CCKBR: variants seen among roughly 807,000 people sequenced by gnomAD.
CCKBR encodes the protein gastrin/cholecystokinin type B receptor.
Under a neutral mutation model 34.6 loss-of-function variants are expected in CCKBR, and 33 were observed. The observed-to-expected ratio is 0.95, with a 90% CI of 0.72 to 1.27. The LOEUF is 1.27. CCKBR is among the 50% of genes most tolerant of loss of function. The probability of loss-of-function intolerance (pLI) is 0.00; values close to 1 mark genes in which losing one functional copy is unlikely to be tolerated. For synonymous variants in CCKBR, 269 were observed against 267.5 expected, an observed-to-expected ratio of 1.01 and a Z score of -0.06; for missense variants, 652 against 617.4, an observed-to-expected ratio of 1.06 and a Z score of -0.59.
Position 6,271,575 on chromosome 11 carries a change from G to T in CCKBR, c.*32G>T, listed in dbSNP as rs1235424153. On this transcript the variant is annotated 3_prime_UTR_variant, in exon 5 of 5. Coordinates refer to ENST00000334619, the MANE Select transcript of CCKBR (RefSeq NM_176875.4). The stretch of plus-strand genomic sequence containing the variant: ...GAGGGGCCGTGGGGGTTGAGGCAGG[G>T]CAAATGACATGCACTGACCCTTCCA... The T allele has an allele frequency of 1.9e-6, 3 of 1,540,308 alleles. No individual in the cohort carries two copies. In the African/African-American group the frequency reaches 4.1e-5, roughly 21 times the overall value.
In CCKBR at chr11:6,271,282, G is replaced by C; in HGVS notation, c.1083G>C (p.Pro361=). Reference sequence around the variant, plus strand: ...ACACGTGGCGCGCCTTTGATGGCCCGGGTGCACACCGAGCACTCTCGGGTG... The same window carrying C: ...ACACGTGGCGCGCCTTTGATGGCCCCGGTGCACACCGAGCACTCTCGGGTG... ...SANTWRAFDG[P]GAHRALSGAP... The change falls in exon 5 of 5, where the codon CCG becomes CCC. Residue 361 remains proline, a synonymous_variant. Coordinates refer to ENST00000334619, the MANE Select transcript of CCKBR (RefSeq NM_176875.4). 4 of 1,614,200 alleles carry C rather than the reference G, an allele frequency of 2.5e-6. No homozygotes were observed. Among genetic ancestry groups the C allele is most frequent in the East Asian group, 2.2e-5 (1 of 44,884 alleles).
In CCKBR at chr11:6,263,377, T is replaced by C. The variant is rs563401609; in HGVS notation, c.151+3298T>C. Among the ~76,000 whole-genome samples the C allele has an allele frequency of 3.3e-5, 5 of 152,316 alleles. No individual in the cohort carries two copies. The South Asian group carries it at 1.0e-3, about 32-fold the overall frequency. ...ATACTACCCATAAAATTACAAATAT[T>C]ACTCTCACATACTCAGATAATACCC... is the stretch of plus-strand genomic sequence containing the variant. On this transcript the variant is annotated intron_variant, in intron 1 of 4. Coordinates refer to ENST00000334619, the MANE Select transcript of CCKBR (RefSeq NM_176875.4).
At chr11:6,262,316 A>G (rs1242813335) in intron 1 of CCKBR, among the ~76,000 whole-genome samples, 2 of 152,154 alleles carry the variant, frequency 1.3e-5, no homozygotes, top group Admixed American at 6.5e-5. Context: ...TGAGAAGAAA[A>G]TAGGTCCTAG....
rs766704183 is a variant in CCKBR at position 6,262,717 on chromosome 11, AG to A, written c.151+2639del. ...GAGAGAGAGAGAGAGAGAGAGAGAG[AG>A]AGAGAGAAAGAAAAGCAGGATATTG... On this transcript the variant is annotated intron_variant, in intron 1 of 4. Coordinates refer to ENST00000334619, the MANE Select transcript of CCKBR (RefSeq NM_176875.4). 5.6e-3 allele frequency among the ~76,000 whole-genome samples: 805 copies of A among 143,942 alleles called. 7 individuals are homozygous for A. Among genetic ancestry groups the A allele is most frequent in the Middle Eastern group, 0.021 (6 of 288 alleles). The allele number at this position is 143,942 out of a possible 152,430, so 94.4% of individuals were successfully genotyped here. A position where few individuals can be genotyped will look rare whatever the true frequency, so the allele number is the denominator to read the frequency against.
rs535539039 is a variant in CCKBR, at chr11:6,270,916, A to G, written c.812-95A>G. The stretch of plus-strand genomic sequence containing the variant: ...AGGTGAGGGTGAGAAGGAAGCTGGA[A>G]ATGGAGTTGAGCTGGGAGCGGAGGT... On this transcript the variant is annotated intron_variant, in intron 4 of 4. Transcript: ENST00000334619. The G allele has an allele frequency of 8.9e-5, 143 of 1,611,740 alleles. No homozygotes were observed. The African/African-American group carries it at 1.9e-3, about 21-fold the overall frequency.
At chr11:6,262,737 G>T (rs530029605) in intron 1 of CCKBR, among the ~76,000 whole-genome samples, 7 of 139,620 alleles carry the variant, frequency 5.0e-5, no homozygotes, top group Admixed American at 7.1e-5. Flanking sequence ...AGAAAAGCAG[G>T]ATATTGCCAA....
At position 6,271,698 on chromosome 11, in the gene CCKBR, AG is replaced by A; in HGVS notation, c.*157del. The stretch of plus-strand genomic sequence containing the variant: ...GAAAAGGTAGCTTACCTGACACAAG[AG>A]GAATAAGAATGGAGCAGTACATGGG... On this transcript the variant is annotated 3_prime_UTR_variant, in exon 5 of 5. Coordinates refer to ENST00000334619, the MANE Select transcript of CCKBR (RefSeq NM_176875.4). The A allele has an allele frequency of 1.4e-6, 1 of 720,420 alleles. No homozygotes were observed. 44.6% of individuals were successfully genotyped at this position (720,420 alleles called of 1,614,324 possible).
Position 6,262,947 on chromosome 11 carries a change from G to A in CCKBR, c.151+2868G>A, listed in dbSNP as rs909121056. 4.6e-5 allele frequency among the ~76,000 whole-genome samples: 7 copies of A among 152,282 alleles called. No homozygotes were observed. The East Asian group carries it at 7.7e-4, about 17-fold the overall frequency. ...ATTCCCTGTGAAAGCGGGATGTGAC[G>A]CAATTCAGAGCACAGGTGCAAAAAT... On this transcript the variant is annotated intron_variant, in intron 1 of 4. Transcript: ENST00000334619.
intron 3 of CCKBR, 138 bp from the exon 4 acceptor site, chr11:6,270,508 C>A (rs1848282968): frequency 1.5e-6 from 2 of 1,348,262 alleles, no homozygotes; most frequent in Non-Finnish European, 2.0e-6. Flanking sequence ...TTCTCTCTCC[C>A]TTCCCAGCGG....
At chr11:6,262,545 C>G (rs1158860280) in intron 1 of CCKBR, among the ~76,000 whole-genome samples, 1 of 152,050 alleles carries the variant, frequency 6.6e-6, no homozygotes, top group African/African-American at 2.4e-5. Context: ...CCTTCACATT[C>G]AATAACAAGA....
intron 1 of CCKBR, 119 bp downstream of exon 1, chr11:6,260,198 A>G: frequency 1.5e-6 from 1 of 683,326 alleles, no homozygotes; most frequent in South Asian, 1.9e-5. Context: ...TGCCTCTCAT[A>G]GTACTCCCTC....
intron 1 of CCKBR, 55 bp from the exon 2 acceptor site, chr11:6,269,614 A>G: frequency 1.9e-6 from 3 of 1,588,528 alleles, no homozygotes; most frequent in Non-Finnish European, 2.6e-6. Context: ...AAGGAGGGGG[A>G]TTTGACTGAA....
At position 6,271,326 on chromosome 11, in the gene CCKBR, AC is replaced by A; in HGVS notation, c.1128del (p.Leu377CysfsTer2). 1 of 1,613,884 alleles carries A rather than the reference AC, an allele frequency of 6.2e-7. No homozygotes were observed. Among genetic ancestry groups the A allele is most frequent in the Non-Finnish European group, 8.5e-7 (1 of 1,179,936 alleles). On this transcript the variant is annotated frameshift_variant, in exon 5 of 5. Transcript: ENST00000334619. LOFTEE classifies it high-confidence loss of function. ...TCGGGTGCTCCTATCTCCTTCATTC[AC>A]TTGCTGAGCTACGCCTCGGCCTGTG... is the stretch of plus-strand genomic sequence containing the variant. ...ALSGAPISFIHLLSYASACVN... is the reference protein window; with the variant it reads ...ALSGAPISFIXLLSYASACVN...
chr11:6,264,271 T>G (rs1848177701), intron 1 of CCKBR, among the ~76,000 whole-genome samples: 1 of 152,224 alleles, frequency 6.6e-6, no homozygotes, highest in Non-Finnish European at 1.5e-5. Flanking sequence ...CAGTTGGATG[T>G]GATCCCTGCT....
intron 1 of CCKBR, among the ~76,000 whole-genome samples, chr11:6,260,707 G>A (rs934450036): frequency 5.9e-5 from 9 of 152,164 alleles, no homozygotes; most frequent in Admixed American, 3.9e-4. Flanking sequence ...AGCTTTCGAG[G>A]CTCTGTGCCC....
Position 6,271,081 on chromosome 11 carries a change from CG to C in CCKBR, c.883del (p.Val295CysfsTer12). On this transcript the variant is annotated frameshift_variant, in exon 5 of 5. Transcript: ENST00000334619. LOFTEE classifies it high-confidence loss of function. ...AVGEDSDGCYVQLPRSRPALE... is the reference protein window; with the variant it reads ...AVGEDSDGCYXQLPRSRPALE... ...TTGGCGAAGACAGCGATGGCTGCTA[CG>C]TGCAACTTCCACGTTCCCGGCCTGC... 6.2e-7 allele frequency: 1 copy of C among 1,614,142 alleles called. No homozygotes were observed. The highest frequency in any genetic ancestry group is 8.5e-7 in the Non-Finnish European group (1 of 1,180,030).
In CCKBR at chr11:6,270,668, T is replaced by G. The variant is rs757494912; in HGVS notation, c.676T>G (p.Leu226Val). 4.3e-6 allele frequency: 7 copies of G among 1,610,742 alleles called. No individual in the cohort carries two copies. The highest frequency in any genetic ancestry group is 1.3e-5 in the African/African-American group (1 of 74,880). The stretch of plus-strand genomic sequence containing the variant: ...CAGGTCCGTACTGCTGCTTCTGCTC[T>G]TGTTCTTCATCCCGGGTGTGGTTAT... ...QTWSVLLLLL[L>V]FFIPGVVMAV... The change falls in exon 4 of 5, where the codon TTG (leucine) becomes GTG (valine). Residue 226 changes from leucine to valine, a missense_variant. Physicochemically the swap from Leu to Val is conservative, Grantham distance 32 (BLOSUM62 1). Coordinates refer to ENST00000334619, the MANE Select transcript of CCKBR (RefSeq NM_176875.4).
Position 6,271,034 on chromosome 11 carries a change from T to A in CCKBR, c.835T>A (p.Cys279Ser). The change falls in exon 5 of 5, where the codon TGC (cysteine) becomes AGC (serine). Residue 279 changes from cysteine to serine, a missense_variant. Coordinates refer to ENST00000334619, the MANE Select transcript of CCKBR (RefSeq NM_176875.4). ...LPGAVHQNGR[C>S]RPETGAVGED... is the part of the protein sequence containing the mutation. Reference sequence around the variant, plus strand: ...AGGGGCTGTTCACCAGAACGGGCGTTGCCGGCCTGAGACTGGCGCGGTTGG... The same window carrying A: ...AGGGGCTGTTCACCAGAACGGGCGTAGCCGGCCTGAGACTGGCGCGGTTGG... The A allele has an allele frequency of 1.2e-6, 2 of 1,614,196 alleles. No homozygotes were observed. Among genetic ancestry groups the A allele is most frequent in the Non-Finnish European group, 1.7e-6 (2 of 1,180,038 alleles).
Position 6,271,456 on chromosome 11 carries a change from T to C in CCKBR, c.1257T>C (p.Ala419=), listed in dbSNP as rs1660287114. ...GGCCTCCACGAGCTCGCCCCAGGGCTCTTCCCGATGAGGACCCTCCCACTC... is the reference window on the plus strand; with the variant it reads ...GGCCTCCACGAGCTCGCCCCAGGGCCCTTCCCGATGAGGACCCTCCCACTC... ...CPRPPRARPR[A]LPDEDPPTPS... is the part of the protein sequence containing the mutation. Residue 419 remains alanine, a synonymous_variant, in exon 5 of 5, where the codon GCT becomes GCC. Transcript: ENST00000334619. 6.2e-7 allele frequency: 1 copy of C among 1,613,308 alleles called. No homozygotes were observed. Among genetic ancestry groups the C allele is most frequent in the Non-Finnish European group, 8.5e-7 (1 of 1,179,990 alleles).
Sources: gnomAD v4.1 joint callset for allele counts (sites outside exome capture counted in the v4.1 genomes callset) on GRCh38, gnomAD v4.1.1 for gene constraint, MANE v1.5 for transcripts, NCBI Gene and HGNC (gene_info 2026-07-23, HGNC 2026-07-21) for gene names.